DAPK1: variants seen among roughly 807,000 people sequenced by gnomAD.
The protein encoded by DAPK1 is death-associated protein kinase 1.
A neutral mutation model predicts 144.9 loss-of-function variants in DAPK1; 56 were observed. That is an observed-to-expected ratio of 0.39 (90% CI 0.31 to 0.48). DAPK1 has a LOEUF of 0.48. Among genes scored for constraint, DAPK1 ranks in the 20% least tolerant of loss-of-function variants. The pLI is 0.95. For missense variants in DAPK1, 1,454 were observed against 1,875.4 expected, an observed-to-expected ratio of 0.78 and a Z score of 4.15; for synonymous variants, 690 against 749.0, an observed-to-expected ratio of 0.92 and a Z score of 1.29.
chr9:87,678,947 T>G, intron 19 of DAPK1, among the ~76,000 whole-genome samples: 1 of 151,718 alleles, frequency 6.6e-6, no homozygotes. Context: ...TTCAGGAGAG[T>G]TATGTATGAG....
chr9:87,659,805 TCAGTCACTCTGCACACACCGCACCCG>T (rs996312925), intron 18 of DAPK1, among the ~76,000 whole-genome samples: 41 of 148,630 alleles, frequency 2.8e-4, no homozygotes, highest in African/African-American at 9.2e-4. Flanking sequence ...TGCAGCCCCC[TCAGTCACTCTGCACACACCGCACCCG>T]CAGTCACTCC....
Position 87,640,823 on chromosome 9 carries a change from T to G in DAPK1, c.804T>G (p.Asp268Glu), listed in dbSNP as rs555981502. 1.6e-5 allele frequency: 26 copies of G among 1,614,076 alleles called. No individual in the cohort carries two copies. The highest frequency in any genetic ancestry group is 2.1e-5 in the Non-Finnish European group (25 of 1,180,028). Residue 268 changes from aspartate to glutamate, a missense_variant, in exon 9 of 26, where the codon GAT becomes GAG. Transcript: ENST00000408954. ...CAAGGAAGAGAATGACAATTCAAGATAGTTTGCAGCATCCCTGGATCAAGG... is the reference window on the plus strand; with the variant it reads ...CAAGGAAGAGAATGACAATTCAAGAGAGTTTGCAGCATCCCTGGATCAAGG... ...KDPKKRMTIQ[D>E]SLQHPWIKPK... is the part of the protein sequence containing the mutation.
chr9:87,610,137 G>A (rs572607569), intron 3 of DAPK1, among the ~76,000 whole-genome samples: 26 of 152,310 alleles, frequency 1.7e-4, no homozygotes, highest in Non-Finnish European at 2.9e-4. Flanking sequence ...AAGCCTGAAA[G>A]TCGCTTTAAA....
In DAPK1 at chr9:87,682,273, A is replaced by G. The variant is rs556443261; in HGVS notation, c.2224+647A>G. ...TCCACAGACAGGGTTATTGATTCAC[A>G]TTAGGGGGCTGTCACGAAACACCTG... On this transcript the variant is annotated intron_variant, in intron 20 of 25. Transcript: ENST00000408954. Among the ~76,000 whole-genome samples, 19 of 152,280 alleles carry G rather than the reference A, an allele frequency of 1.2e-4. No individual in the cohort carries two copies. The East Asian group carries it at 3.3e-3, about 26-fold the overall frequency.
intron 2 of DAPK1, among the ~76,000 whole-genome samples, chr9:87,546,738 G>A (rs542769996): frequency 1.5e-4 from 23 of 152,128 alleles, no homozygotes; most frequent in African/African-American, 5.1e-4. Context: ...CTTGTATTCC[G>A]TTCTCCCTCC....
chr9:87,662,750 TA>T (rs1038417856), intron 18 of DAPK1, among the ~76,000 whole-genome samples: 1 of 151,976 alleles, frequency 6.6e-6, no homozygotes, highest in Non-Finnish European at 1.5e-5. Flanking sequence ...TTTCTAGATA[TA>T]AAATCATATC....
At chr9:87,643,540 T>A in intron 11 of DAPK1, 72 bp downstream of exon 11, 1 of 1,008,982 alleles carries the variant, frequency 9.9e-7, no homozygotes, top group Non-Finnish European at 1.5e-6. Flanking sequence ...CTGTTCTATT[T>A]GTTCAACCTC....
chr9:87,567,300 G>C (rs1587725347), intron 2 of DAPK1, among the ~76,000 whole-genome samples: 1 of 152,100 alleles, frequency 6.6e-6, no homozygotes, highest in South Asian at 2.1e-4. Context: ...CGACTCAGCT[G>C]ATAGGCCCTG....
At position 87,660,257 on chromosome 9, in the gene DAPK1, C is replaced by T. The variant is rs572990862; in HGVS notation, c.1923+2130C>T. 3.0e-3 allele frequency among the ~76,000 whole-genome samples: 457 copies of T among 152,102 alleles called. 3 individuals carry two copies. Among genetic ancestry groups the T allele is most frequent in the African/African-American group, 0.011 (444 of 41,536 alleles). On this transcript the variant is annotated intron_variant, in intron 18 of 25. Transcript: ENST00000408954. ...TCCCCGCAGGGAACCGGGGCTTCCT[C>T]TCCCGTGGGCAGCCAGGGGAGGGTT...
In DAPK1 at chr9:87,706,999, C is replaced by T. The variant is rs371992448; in HGVS notation, c.3928C>T (p.Arg1310Trp). Residue 1310 changes from arginine to tryptophan, a missense_variant, in exon 26 of 26, where the codon CGG becomes TGG. Transcript: ENST00000408954. The surrounding 1 kb of genome is among the most constrained non-coding windows in gnomAD (Gnocchi z 9.0). ...IHASDLNLLTRRKLSRLLDPP... is the reference protein window; with the variant it reads ...IHASDLNLLTWRKLSRLLDPP... ...TGCATCAGACCTGAACCTCCTCACT[C>T]GGAGGAAACTGAGTCGCCTGCTGGA... 9.3e-6 allele frequency: 15 copies of T among 1,613,440 alleles called. No homozygotes were observed. Among genetic ancestry groups the T allele is most frequent in the Non-Finnish European group, 1.2e-5 (14 of 1,179,844 alleles).
chr9:87,571,476 AACACACACACAC>A (rs56299528), intron 2 of DAPK1, among the ~76,000 whole-genome samples: 2 of 48,548 alleles, frequency 4.1e-5, no homozygotes, highest in African/African-American at 1.8e-4. Flanking sequence ...CACACACACC[AACACACACACAC>A]ACACACCCCA....
At chr9:87,642,114 G>A in intron 10 of DAPK1, 56 bp downstream of exon 10, 4 of 1,450,674 alleles carry the variant, frequency 2.8e-6, no homozygotes, top group Non-Finnish European at 3.8e-6. Flanking sequence ...GTAGAGTAGT[G>A]TGTGGTCAGG....
At chr9:87,693,319 C>G (rs960285187) in intron 21 of DAPK1, among the ~76,000 whole-genome samples, 23 of 151,512 alleles carry the variant, frequency 1.5e-4, no homozygotes, top group African/African-American at 5.6e-4. Context: ...AAAGACCTGT[C>G]TTCAATTTCT....
Position 87,497,993 on chromosome 9 carries a change from C to A in DAPK1, c.-223C>A, listed in dbSNP as rs925036620. 4 of 397,488 alleles carry A rather than the reference C, an allele frequency of 1.0e-5. No individual in the cohort carries two copies. The highest frequency in any genetic ancestry group is 2.7e-4 in the South Asian group (2 of 7,408). 24.6% of individuals were successfully genotyped at this position (397,488 alleles called of 1,614,324 possible). Reference sequence around the variant, plus strand: ...GGCGCCTGGGAGGGATCTGCGCCCCCCACTCACTCCCTAGCTGTGTTCCCG... The same window carrying A: ...GGCGCCTGGGAGGGATCTGCGCCCCACACTCACTCCCTAGCTGTGTTCCCG... On this transcript the variant is annotated 5_prime_UTR_variant, in exon 1 of 26. Transcript: ENST00000408954.
intron 2 of DAPK1, among the ~76,000 whole-genome samples, chr9:87,583,453 A>G (rs1464741772): frequency 1.3e-5 from 2 of 152,234 alleles, no homozygotes; most frequent in Non-Finnish European, 2.9e-5. Context: ...AGGCTTGCTA[A>G]TTCTTACAAC....
At chr9:87,508,371 C>CTTGCTTTGTCG (rs1293183607) in intron 2 of DAPK1, among the ~76,000 whole-genome samples, 10 of 146,192 alleles carry the variant, frequency 6.8e-5, no homozygotes, top group Non-Finnish European at 1.3e-4. Context: ...TAAACGGAGT[C>CTTGCTTTGTCG]TTGCTTTGTC....
rs747763486 is a variant in DAPK1, at chr9:87,650,131, G to A, written c.1626+13G>A. On this transcript the variant is annotated intron_variant, in intron 16 of 25. Transcript: ENST00000408954. ...TGCTTGCGACAAGGTGCCTTATGGG[G>A]GAAGACTCATATGCACTGGGAAGTG... 15 of 1,613,528 alleles carry A rather than the reference G, an allele frequency of 9.3e-6. No homozygotes were observed. The highest frequency in any genetic ancestry group is 1.3e-5 in the Non-Finnish European group (15 of 1,179,892).
At chr9:87,552,154 G>A (rs1485476049) in intron 2 of DAPK1, among the ~76,000 whole-genome samples, 1 of 152,034 alleles carries the variant, frequency 6.6e-6, no homozygotes, top group East Asian at 1.9e-4. Context: ...ACAGCTTCCA[G>A]GAGCCAGTAG....
At chr9:87,581,460 C>A (rs1193659642) in intron 2 of DAPK1, among the ~76,000 whole-genome samples, 2 of 151,852 alleles carry the variant, frequency 1.3e-5, no homozygotes, top group African/African-American at 4.8e-5. Flanking sequence ...TTACTTACAA[C>A]AATATCCTGA....
Sources: gnomAD v4.1 joint callset for allele counts (sites outside exome capture counted in the v4.1 genomes callset) on GRCh38, gnomAD v4.1.1 for gene constraint, Gnocchi (gnomAD v3.1) non-coding constraint, MANE v1.5 for transcripts, NCBI Gene and HGNC (gene_info 2026-07-23, HGNC 2026-07-21) for gene names.